SEMA6D: variants seen among roughly 807,000 people sequenced by gnomAD.
SEMA6D encodes semaphorin 6D.
A neutral mutation model predicts 106.6 loss-of-function variants in SEMA6D; 35 were observed. The ratio of observed to expected loss-of-function variants is 0.33; its 90% CI spans 0.25 to 0.44. The LOEUF is 0.44. Among genes scored for constraint, SEMA6D ranks in the 20% least tolerant of loss-of-function variants. The pLI is 1.00. For synonymous variants in SEMA6D, 499 were observed against 487.7 expected (o/e 1.02, Z -0.31); for missense variants, 1,185 against 1,345.9 (o/e 0.88, Z 1.87).
At chr15:47,704,390 A>C (rs2145959208) in intron 4 of SEMA6D, among the ~76,000 whole-genome samples, 1 of 152,282 alleles carries the variant, frequency 6.6e-6, no homozygotes, top group East Asian at 1.9e-4. Context: ...TTAAATAGTG[A>C]GTTTTTGCTG....
intron 3 of SEMA6D, among the ~76,000 whole-genome samples, chr15:47,544,537 G>GTAACCCATTAA (rs1302082645): frequency 6.6e-6 from 1 of 152,062 alleles, no homozygotes; most frequent in African/African-American, 2.4e-5. Flanking sequence ...AAGTATTAGT[G>GTAACCCATTAA]CATCAGGCCA....
At chr15:47,186,092 CAT>C (rs887337058) in intron 1 of SEMA6D, among the ~76,000 whole-genome samples, 1 of 151,456 alleles carries the variant, frequency 6.6e-6, no homozygotes, top group Admixed American at 6.6e-5. Flanking sequence ...TATGTGTGTG[CAT>C]ATATATATAC....
Position 47,500,881 on chromosome 15 carries a change from G to C in SEMA6D, c.-87+30336G>C, listed in dbSNP as rs1385664251. Among the ~76,000 whole-genome samples the C allele has an allele frequency of 3.3e-5, 5 of 152,134 alleles. 1 individual carries two copies. The East Asian group carries it at 7.7e-4, about 23-fold the overall frequency. ...ATTCTATAGAGGAGAGAGTGTCTTA[G>C]AGTGTTGTTAAACTTTCCTTTTGAC... On this transcript the variant is annotated intron_variant, in intron 3 of 19. Transcript: ENST00000558014.
intron 4 of SEMA6D, among the ~76,000 whole-genome samples, chr15:47,712,299 A>C: frequency 6.6e-6 from 1 of 152,194 alleles, no homozygotes; most frequent in Non-Finnish European, 1.5e-5. Flanking sequence ...TAGTTTTTAA[A>C]ACTTGTGCTT....
chr15:47,499,965 G>C (rs1313912273), intron 3 of SEMA6D, among the ~76,000 whole-genome samples: 2 of 152,060 alleles, frequency 1.3e-5, no homozygotes, highest in African/African-American at 2.4e-5. Context: ...AAGGATAGTT[G>C]CTAACACTCT....
At chr15:47,503,343 A>G (rs192043162) in intron 3 of SEMA6D, among the ~76,000 whole-genome samples, 23 of 152,302 alleles carry the variant, frequency 1.5e-4, no homozygotes, top group African/African-American at 4.6e-4. Context: ...AGAAAGAAAA[A>G]CAAAGTGAGA....
intron 1 of SEMA6D, among the ~76,000 whole-genome samples, chr15:47,751,498 G>A (rs1255601513): frequency 3.9e-5 from 6 of 152,176 alleles, no homozygotes; most frequent in African/African-American, 1.4e-4. Context: ...CAGTGCCCCT[G>A]AAATGTCATA....
intron 3 of SEMA6D, among the ~76,000 whole-genome samples, chr15:47,563,131 A>C (rs2046127591): frequency 6.6e-6 from 1 of 152,196 alleles, no homozygotes; most frequent in South Asian, 2.1e-4. Flanking sequence ...ATCTTTTCTG[A>C]AAAGGCAAAT....
intron 1 of SEMA6D, among the ~76,000 whole-genome samples, chr15:47,237,058 G>A (rs963557676): frequency 6.6e-6 from 1 of 152,088 alleles, no homozygotes; most frequent in African/African-American, 2.4e-5. Context: ...GAATTTTTGT[G>A]TTCTTGAACA....
intron 1 of SEMA6D, among the ~76,000 whole-genome samples, chr15:47,250,077 G>A (rs1177032044): frequency 2.0e-5 from 3 of 152,162 alleles, no homozygotes; most frequent in Admixed American, 1.3e-4. Context: ...GGAGCTTGTG[G>A]TCTACAAGGA....
intron 1 of SEMA6D, among the ~76,000 whole-genome samples, chr15:47,402,895 G>A (rs2040443120): frequency 6.6e-6 from 1 of 152,082 alleles, no homozygotes; most frequent in Non-Finnish European, 1.5e-5. Flanking sequence ...GGGACCTCAA[G>A]AGGCAAAGCC....
rs191101202 is a variant in SEMA6D, at chr15:47,771,787, C to A, written c.*2C>A. On this transcript the variant is annotated 3_prime_UTR_variant, in exon 19 of 19. Coordinates refer to ENST00000536845, the MANE Select transcript of SEMA6D (RefSeq NM_001358351.3). ...CCACTGAACAAATACACATACTAGG[C>A]CTCAAGTGTGCTATTCCCATGTGGC... 4.3e-6 allele frequency: 7 copies of A among 1,609,664 alleles called. No homozygotes were observed. The East Asian group carries it at 1.6e-4, about 36-fold the overall frequency.
At chr15:47,561,689 G>A (rs2046085229) in intron 3 of SEMA6D, among the ~76,000 whole-genome samples, 1 of 150,890 alleles carries the variant, frequency 6.6e-6, no homozygotes, top group Admixed American at 6.6e-5. Context: ...TTTAAATATA[G>A]GTAAATATAA....
intron 2 of SEMA6D, among the ~76,000 whole-genome samples, chr15:47,440,405 T>C (rs1047167978): frequency 2.0e-4 from 30 of 152,020 alleles, no homozygotes; most frequent in Non-Finnish European, 4.4e-5. Flanking sequence ...GCAAGAAATC[T>C]GTGTGACAAA....
intron 2 of SEMA6D, among the ~76,000 whole-genome samples, chr15:47,427,953 A>G (rs1213417043): frequency 6.6e-6 from 1 of 152,150 alleles, no homozygotes; most frequent in Non-Finnish European, 1.5e-5. Context: ...GAAAAGATAA[A>G]TAGAATGGGG....
At chr15:47,315,023 G>T (rs1035134710) in intron 1 of SEMA6D, among the ~76,000 whole-genome samples, 25 of 150,942 alleles carry the variant, frequency 1.7e-4, no homozygotes, top group African/African-American at 6.1e-4. Context: ...CCGCCATCAC[G>T]CCCGGCTAAT....
In SEMA6D at chr15:47,289,729, GA is replaced by G. The variant is rs1176510867; in HGVS notation, c.-239+105318del. Among the ~76,000 whole-genome samples, 12 of 152,022 alleles carry G rather than the reference GA, an allele frequency of 7.9e-5. No individual in the cohort carries two copies. The East Asian group carries it at 2.3e-3, about 29-fold the overall frequency. On this transcript the variant is annotated intron_variant, in intron 1 of 19. Coordinates refer to the SEMA6D transcript ENST00000558014. ...TACTAATATTGTAGAGAGGCAGAAA[GA>G]AAAAAATCACAGAGGTGGGAAAATC...
In SEMA6D at chr15:47,677,527, C is replaced by T. The variant is rs58243945; in HGVS notation, c.-55+76631C>T. Reference sequence around the variant, plus strand: ...TGGAAGAGTGGCAAAAAGCACATTACAGAGAAGCATGTGGAATGGGAGACA... The same window carrying T: ...TGGAAGAGTGGCAAAAAGCACATTATAGAGAAGCATGTGGAATGGGAGACA... On this transcript the variant is annotated intron_variant, in intron 4 of 19. Transcript: ENST00000558014. Among the ~76,000 whole-genome samples, 934 of 152,278 alleles carry T rather than the reference C, an allele frequency of 6.1e-3. 11 individuals are homozygous for T. Among genetic ancestry groups the T allele is most frequent in the African/African-American group, 0.021 (882 of 41,544 alleles).
At chr15:47,427,254 A>G (rs2041370971) in intron 2 of SEMA6D, among the ~76,000 whole-genome samples, 1 of 152,130 alleles carries the variant, frequency 6.6e-6, no homozygotes, top group Non-Finnish European at 1.5e-5. Context: ...GGTGTTGATC[A>G]ATAGAGTGAT....
Sources: allele counts gnomAD v4.1 joint callset (sites outside exome capture counted in the v4.1 genomes callset), GRCh38; gene constraint gnomAD v4.1.1; transcripts MANE v1.5; gene names NCBI Gene and HGNC (gene_info 2026-07-23, HGNC 2026-07-21).